Variants in WT1 observed in about 807,000 individuals in gnomAD.
WT1 encodes the protein Wilms tumor protein.
A neutral mutation model predicts 60.8 loss-of-function variants in WT1; 8 were observed. That is an observed-to-expected ratio of 0.13 (90% confidence interval 0.08 to 0.24). The LOEUF (loss-of-function observed/expected upper bound fraction) is 0.24, where lower values mean the gene tolerates loss of function less well. Among genes scored for constraint, WT1 ranks in the 10% least tolerant of loss-of-function variants. The pLI, the probability that WT1 is intolerant of heterozygous loss-of-function variation, is 1.00. For synonymous variants in WT1, 312 were observed against 297.1 expected, an observed-to-expected ratio of 1.05 and a Z score of -0.52; for missense variants, 568 against 711.8, an observed-to-expected ratio of 0.80 and a Z score of 2.30.
intron 5 of WT1, among the ~76,000 whole-genome samples, chr11:32,405,011 G>A (rs1001295222): frequency 1.3e-5 from 2 of 152,244 alleles, no homozygotes; most frequent in Admixed American, 1.3e-4. Context: ...CCCGGTTATT[G>A]GATAAGGAGG....
intron 9 of WT1, among the ~76,000 whole-genome samples, chr11:32,389,927 A>C (rs1040286512): frequency 6.6e-6 from 1 of 152,142 alleles, no homozygotes. Flanking sequence ...TTGATGCTTA[A>C]CATATGCCAA....
intron 7 of WT1, among the ~76,000 whole-genome samples, chr11:32,395,086 T>A (rs532719148): frequency 6.6e-6 from 1 of 152,238 alleles, no homozygotes; most frequent in Non-Finnish European, 1.5e-5. Context: ...GACACCAGAA[T>A]TGCATCCTCT....
intron 7 of WT1, among the ~76,000 whole-genome samples, chr11:32,395,434 T>C (rs1326704559): frequency 6.6e-6 from 1 of 152,044 alleles, no homozygotes; most frequent in Non-Finnish European, 1.5e-5. Context: ...TCCAGTTTCA[T>C]TGGCGTATCT....
chr11:32,419,634 A>T (rs1590378676), intron 3 of WT1, among the ~76,000 whole-genome samples: 1 of 152,232 alleles, frequency 6.6e-6, no homozygotes, highest in African/African-American at 2.4e-5. Flanking sequence ...TTTCTCACAG[A>T]CTTAAAGAAT....
intron 5 of WT1, among the ~76,000 whole-genome samples, chr11:32,414,635 G>T (rs1280287581): frequency 6.6e-6 from 1 of 152,174 alleles, no homozygotes; most frequent in Non-Finnish European, 1.5e-5. Flanking sequence ...CACTTTGGGA[G>T]GCCAAGTGTG....
intron 1 of WT1, among the ~76,000 whole-genome samples, chr11:32,431,582 G>T (rs1274646225): frequency 6.8e-6 from 1 of 146,026 alleles, no homozygotes; most frequent in Non-Finnish European, 1.5e-5. Flanking sequence ...GATTATAGGC[G>T]CCCGTCACCA....
At chr11:32,417,249 A>AGTTGCACAG (rs1852703895) in intron 4 of WT1, among the ~76,000 whole-genome samples, 1 of 152,228 alleles carries the variant, frequency 6.6e-6, no homozygotes, top group East Asian at 1.9e-4. Flanking sequence ...AGATAGTGGA[A>AGTTGCACAG]TGGTTAACAA....
At chr11:32,416,637 A>T in intron 4 of WT1, 97 bp from the exon 5 acceptor site, 2 of 1,423,342 alleles carry the variant, frequency 1.4e-6, no homozygotes, top group Non-Finnish European at 2.0e-6. Context: ...CCCTCAATAC[A>T]CAGAGACATC....
chr11:32,415,260 G>T (rs551935008), intron 5 of WT1, among the ~76,000 whole-genome samples: 2 of 152,182 alleles, frequency 1.3e-5, no homozygotes, highest in African/African-American at 4.8e-5. Context: ...CTTGGGGAAG[G>T]TTATCAAGTT....
At chr11:32,394,335 G>C (rs1851904443) in intron 7 of WT1, among the ~76,000 whole-genome samples, 1 of 152,106 alleles carries the variant, frequency 6.6e-6, no homozygotes. Context: ...CAAACTACCA[G>C]CCTCCACTGG....
intron 9 of WT1, 109 bp downstream of exon 9, chr11:32,391,863 A>C: frequency 8.6e-7 from 1 of 1,158,630 alleles, no homozygotes; most frequent in Non-Finnish European, 1.3e-6. Context: ...AACTGAGTCT[A>C]AACCTTAGAA....
intron 3 of WT1, among the ~76,000 whole-genome samples, chr11:32,419,716 C>T (rs1291492230): frequency 1.3e-5 from 2 of 152,312 alleles, no homozygotes; most frequent in African/African-American, 4.8e-5. Flanking sequence ...TTCCGTTAGA[C>T]GGAGTCTCAC....
intron 4 of WT1, among the ~76,000 whole-genome samples, chr11:32,417,053 A>G (rs1564987280): frequency 6.6e-6 from 1 of 152,162 alleles, no homozygotes; most frequent in East Asian, 1.9e-4. Flanking sequence ...TTAGGTGCAA[A>G]GAGTAGCTCC....
Position 32,389,038 on chromosome 11 carries a change from C to A in WT1, c.*20G>T, listed in dbSNP as rs767103760. On this transcript the variant is annotated 3_prime_UTR_variant, in exon 10 of 10. Transcript: ENST00000452863. ...ACACTGTGCTGCCTGGGACACTGAA[C>A]GGTCCCCGAGGGAGACCCCTCAAAG... is the stretch of plus-strand genomic sequence containing the variant. The A allele has an allele frequency of 6.2e-7, 1 of 1,614,088 alleles. No homozygotes were observed. Among genetic ancestry groups the A allele is most frequent in the Non-Finnish European group, 8.5e-7 (1 of 1,179,952 alleles).
At chr11:32,427,568 G>C (rs1052126223) in intron 3 of WT1, among the ~76,000 whole-genome samples, 2 of 152,192 alleles carry the variant, frequency 1.3e-5, no homozygotes, top group African/African-American at 4.8e-5. Context: ...ACGCGCCTTC[G>C]AGGTAGTCTG....
Position 32,430,476 on chromosome 11 carries a change from G to GAC in WT1, c.662-1858_662-1857insGT, listed in dbSNP as rs1853257930. ...GGAGGGAGAGAGAGAGAGAGAGAGA[G>GAC]AGAGAGAGAGAGAGACGAAATAGAA... On this transcript the variant is annotated intron_variant, in intron 1 of 9. Coordinates refer to ENST00000452863, the MANE Select transcript of WT1 (RefSeq NM_024426.6). The GAC allele has an allele frequency of 2.5e-6, 4 of 1,576,106 alleles. No homozygotes were observed. In the African/African-American group the frequency reaches 5.5e-5, roughly 22 times the overall value.
chr11:32,435,433 A>C lies in WT1; in HGVS notation c.-73T>G. ...CGGCTCTGGGTGGGTGGGTGGGTGA[A>C]TGAGTAGGTGGGAGGGAGGGCGGGA... On this transcript the variant is annotated 5_prime_UTR_variant, in exon 1 of 10. Transcript: ENST00000452863. 8 of 72,076 alleles carry C rather than the reference A, an allele frequency of 1.1e-4. No homozygotes were observed. Among genetic ancestry groups the C allele is most frequent in the Non-Finnish European group, 1.6e-4 (6 of 37,840 alleles). 4.5% of individuals were successfully genotyped at this position (72,076 alleles called of 1,614,324 possible). A position where few individuals can be genotyped will look rare whatever the true frequency, so the allele number is the denominator to read the frequency against.
intron 7 of WT1, among the ~76,000 whole-genome samples, chr11:32,394,710 T>G (rs1221834966): frequency 6.6e-6 from 1 of 152,218 alleles, no homozygotes; most frequent in African/African-American, 2.4e-5. Context: ...TATTGCTCTC[T>G]TTCAAGGGGG....
chr11:32,432,842 A>C (rs1342043408), intron 1 of WT1, among the ~76,000 whole-genome samples: 1 of 152,170 alleles, frequency 6.6e-6, no homozygotes, highest in Non-Finnish European at 1.5e-5. Flanking sequence ...GGTTTCAAAA[A>C]TCCCCTAGAA....
Sources: allele counts gnomAD v4.1 joint callset (sites outside exome capture counted in the v4.1 genomes callset), GRCh38; gene constraint gnomAD v4.1.1; transcripts MANE v1.5; gene names NCBI Gene and HGNC (gene_info 2026-07-23, HGNC 2026-07-21).